HEMGN: variants seen among roughly 807,000 people sequenced by gnomAD.
HEMGN encodes hemogen, also known as erythroid differentiation-associated gene protein.
A neutral mutation model predicts 45.7 loss-of-function variants in HEMGN; 32 were observed. That is an observed-to-expected ratio of 0.70 (90% CI 0.53 to 0.94). HEMGN has a LOEUF of 0.94. Ranked by LOEUF, HEMGN falls within the 40% of genes least tolerant of loss-of-function variation. HEMGN has a pLI of 0.00. For missense variants in HEMGN, 530 were observed against 564.2 expected (o/e 0.94, Z 0.61); for synonymous variants, 183 against 178.6 (o/e 1.02, Z -0.20).
chr9:97,934,176 G>A (rs540231400), intron 2 of HEMGN, among the ~76,000 whole-genome samples: 6 of 151,936 alleles, frequency 3.9e-5, no homozygotes, highest in Non-Finnish European at 7.4e-5. Context: ...GCGAAACCCC[G>A]TCTCTACTAA....
At chr9:97,944,146 G>C (rs1023666041) in intron 1 of HEMGN, among the ~76,000 whole-genome samples, 63 of 152,152 alleles carry the variant, frequency 4.1e-4, no homozygotes, top group African/African-American at 1.5e-3. Context: ...CCTCTTTGCA[G>C]ATGTCTTCTA....
rs200475494 is a variant in HEMGN at position 97,927,493 on chromosome 9, A to C, written c.1361-15T>G. On this transcript the variant is annotated splice_polypyrimidine_tract_variant and intron_variant, in intron 3 of 3. Transcript: ENST00000616898. ...TTCTTTCATTTCTGTAAAATCAAAT[A>C]AAATAAAAAATAGATTCAATAAATT... 250 of 1,489,904 alleles carry C rather than the reference A, an allele frequency of 1.7e-4. No individual in the cohort carries two copies. Among genetic ancestry groups the C allele is most frequent in the Non-Finnish European group, 2.1e-4 (223 of 1,070,798 alleles). The allele number at this position is 1,489,904 out of a possible 1,614,324, so 92.3% of individuals were successfully genotyped here. A position where few individuals can be genotyped will look rare whatever the true frequency, so the allele number is the denominator to read the frequency against.
intron 1 of HEMGN, among the ~76,000 whole-genome samples, chr9:97,937,715 G>T (rs1018576207): frequency 2.6e-5 from 4 of 152,038 alleles, no homozygotes; most frequent in Non-Finnish European, 5.9e-5. Flanking sequence ...ATGTCTTAAG[G>T]TATCTCAAGG....
At chr9:97,928,314 C>T (rs1226651433) in intron 3 of HEMGN, among the ~76,000 whole-genome samples, 1 of 152,196 alleles carries the variant, frequency 6.6e-6, no homozygotes, top group Non-Finnish European at 1.5e-5. Context: ...GCGTGAGCCA[C>T]CGCGCCCGGC....
In HEMGN at chr9:97,937,412, TA is replaced by T. The variant is rs149505652; in HGVS notation, c.79+645del. Among the ~76,000 whole-genome samples, 77 of 152,226 alleles carry T rather than the reference TA, an allele frequency of 5.1e-4. No individual in the cohort carries two copies. In the East Asian group the frequency reaches 8.3e-3, roughly 16 times the overall value. On this transcript the variant is annotated intron_variant, in intron 1 of 3. Coordinates refer to ENST00000616898, the MANE Select transcript of HEMGN (RefSeq NM_197978.3). ...ACTTGGTCCCTATAAAGAAATCACA[TA>T]TTTTTTTATCACATTATAGTTGTTG...
chr9:97,930,287 T>C lies in HEMGN; in HGVS notation c.1108A>G (p.Thr370Ala). The C allele has an allele frequency of 3.1e-6, 5 of 1,614,144 alleles. No individual in the cohort carries two copies. The highest frequency in any genetic ancestry group is 4.2e-6 in the Non-Finnish European group (5 of 1,179,986). Reference sequence around the variant, plus strand: ...TCAAGCCCAGGTATTTCTTGATACGTTTCAGGTGAATATTTTTCAGACCCA... The same window carrying C: ...TCAAGCCCAGGTATTTCTTGATACGCTTCAGGTGAATATTTTTCAGACCCA... ...TPGSEKYSPE[T>A]YQEIPGLEEY... is the part of the protein sequence containing the mutation. Residue 370 changes from threonine (T) to alanine (A), a missense_variant, in exon 3 of 4, where the codon ACG (threonine) becomes GCG (alanine). Physicochemically the swap from Thr to Ala is moderately conservative, Grantham distance 58. Transcript: ENST00000616898.
chr9:97,932,033 T>G (rs1826963137), intron 2 of HEMGN, among the ~76,000 whole-genome samples: 1 of 152,160 alleles, frequency 6.6e-6, no homozygotes, highest in South Asian at 2.1e-4. Flanking sequence ...CATTTCATCA[T>G]TTTTCTAAAT....
At chr9:97,942,274 CTTTTTTTT>C (rs56055830), upstream of HEMGN, among the ~76,000 whole-genome samples, 1 of 128,184 alleles carries the variant, frequency 7.8e-6, no homozygotes, top group Middle Eastern at 4.1e-3. Flanking sequence ...CTAATTCCTT[CTTTTTTTT>C]TTTTTTTTTT....
intron 3 of HEMGN, among the ~76,000 whole-genome samples, chr9:97,929,314 T>G (rs929891090): frequency 6.6e-6 from 1 of 152,210 alleles, no homozygotes; most frequent in Non-Finnish European, 1.5e-5. Context: ...CACTCATCTT[T>G]TAGGATAAAG....
At chr9:97,939,966 AAACT>A (rs1827128270), upstream of HEMGN, among the ~76,000 whole-genome samples, 1 of 152,216 alleles carries the variant, frequency 6.6e-6, no homozygotes, top group Admixed American at 6.5e-5. Flanking sequence ...TAAATAACTC[AAACT>A]AACTTTAAAA....
rs1564121065 is a variant in HEMGN at position 97,930,878 on chromosome 9, A to T, written c.517T>A (p.Ser173Thr). 3 of 1,614,128 alleles carry T rather than the reference A, an allele frequency of 1.9e-6. No homozygotes were observed. Among genetic ancestry groups the T allele is most frequent in the Non-Finnish European group, 2.5e-6 (3 of 1,179,982 alleles). Residue 173 changes from serine to threonine, a missense_variant, in exon 3 of 4, where the codon TCT becomes ACT. Transcript: ENST00000616898. ...GATATTTCTTGGTACATTTTAGGAG[A>T]GAGGTCTTCAGGTTCAGACACATGT... ...CQHVSEPEDL[S>T]PKMYQEISVL...
rs77484882 is a variant in HEMGN, at chr9:97,936,091, T to C, written c.173+80A>G. 1,470 of 905,050 alleles carry C rather than the reference T, an allele frequency of 1.6e-3. 19 individuals are homozygous for C. In the African/African-American group the frequency reaches 0.022, roughly 13 times the overall value. 56.1% of individuals were successfully genotyped at this position (905,050 alleles called of 1,614,324 possible). On this transcript the variant is annotated intron_variant, in intron 2 of 3. Transcript: ENST00000616898. ...ATTGTTGGAAAGATAAAATACAGTG[T>C]GTAAAGTGCACAGCACTACTTTATG...
At chr9:97,928,317 C>T (rs377014682) in intron 3 of HEMGN, among the ~76,000 whole-genome samples, 1 of 152,156 alleles carries the variant, frequency 6.6e-6, no homozygotes, top group East Asian at 1.9e-4. Context: ...TGAGCCACCG[C>T]GCCCGGCCGA....
At chr9:97,937,436 T>A (rs1030375189) in intron 1 of HEMGN, among the ~76,000 whole-genome samples, 2 of 152,144 alleles carry the variant, frequency 1.3e-5, no homozygotes, top group African/African-American at 4.8e-5. Context: ...ATTATAGTTG[T>A]TGCAGATACC....
intron 2 of HEMGN, among the ~76,000 whole-genome samples, chr9:97,934,750 C>A (rs1403948574): frequency 6.6e-6 from 1 of 152,042 alleles, no homozygotes; most frequent in Non-Finnish European, 1.5e-5. Context: ...GATTCAAAAC[C>A]CTTGCAACAT....
At chr9:97,932,959 C>T (rs1183492607) in intron 2 of HEMGN, among the ~76,000 whole-genome samples, 1 of 152,040 alleles carries the variant, frequency 6.6e-6, no homozygotes, top group African/African-American at 2.4e-5. Flanking sequence ...CCTTAGGAAA[C>T]ACATATTTTT....
chr9:97,930,670 A>C lies in HEMGN; in HGVS notation c.725T>G (p.Leu242Arg), dbSNP rs1305705805. The C allele has an allele frequency of 1.2e-6, 2 of 1,614,182 alleles. No homozygotes were observed. Residue 242 changes from leucine to arginine, a missense_variant, in exon 3 of 4, where the codon CTT (leucine) becomes CGT (arginine). Physicochemically the swap from Leu to Arg is moderately radical, Grantham distance 102. Coordinates refer to ENST00000616898, the MANE Select transcript of HEMGN (RefSeq NM_197978.3). ...MCQEAAVPKI[L>R]PCPTSEDTAD... is the part of the protein sequence containing the mutation. The stretch of plus-strand genomic sequence containing the variant: ...TGTGTCTTCAGATGTTGGACAAGGA[A>C]GGATTTTGGGTACAGCAGCTTCTTG...
chr9:97,938,178 A>T (rs765907575), upstream of HEMGN: 1 of 1,302,706 alleles, frequency 7.7e-7, no homozygotes, highest in Non-Finnish European at 1.1e-6. Context: ...TGACTTCCAC[A>T]AGCAGCCTAG....
intron 3 of HEMGN, 44 bp downstream of exon 3, chr9:97,929,991 T>G: frequency 7.1e-7 from 1 of 1,409,916 alleles, no homozygotes; most frequent in Non-Finnish European, 9.9e-7. Flanking sequence ...AAATCACTAC[T>G]CTGGGGGAGA....
Sources: allele counts gnomAD v4.1 joint callset (sites outside exome capture counted in the v4.1 genomes callset), GRCh38; gene constraint gnomAD v4.1.1; transcripts MANE v1.5; gene names NCBI Gene and HGNC (gene_info 2026-07-23, HGNC 2026-07-21).